AAK1: variants seen among roughly 807,000 people sequenced by gnomAD.
AAK1 encodes the protein AP2-associated protein kinase 1.
A neutral mutation model predicts 116.0 loss-of-function variants in AAK1; 37 were observed. The observed-to-expected ratio is 0.32, with a 90% confidence interval of 0.25 to 0.42. AAK1 has a LOEUF of 0.42. Ranked by LOEUF, AAK1 falls within the 10% of genes least tolerant of loss-of-function variation. The pLI is 1.00. For synonymous variants in AAK1, 458 were observed against 439.9 expected (o/e 1.04, Z -0.51); for missense variants, 919 against 1,170.6 (o/e 0.79, Z 3.14).
rs1485110923 is a variant in AAK1 at position 69,527,227 on chromosome 2, G to T, written c.964C>A (p.Pro322Thr). ...FKLLKKECPI[P>T]NVQNSPIPAK... ...CACCATTCACGTACCTGTACATTTG[G>T]AATTGGGCACTCTTTCTTGAGTAGC... The change falls in exon 9 of 22, where the codon CCA becomes ACA. Residue 322 changes from proline to threonine, a missense_variant. Coordinates refer to ENST00000409085, the MANE Select transcript of AAK1 (RefSeq NM_014911.5). The T allele has an allele frequency of 6.2e-7, 1 of 1,602,684 alleles. No individual in the cohort carries two copies. Among genetic ancestry groups the T allele is most frequent in the Non-Finnish European group, 8.5e-7 (1 of 1,172,770 alleles).
At chr2:69,490,656 G>A (rs1016492163) in intron 17 of AAK1, among the ~76,000 whole-genome samples, 1 of 151,946 alleles carries the variant, frequency 6.6e-6, no homozygotes, top group Non-Finnish European at 1.5e-5. Context: ...CAGGGGCTGG[G>A]GGGAGGGGAA....
intron 2 of AAK1, among the ~76,000 whole-genome samples, chr2:69,614,701 G>A (rs1390580371): frequency 1.3e-5 from 2 of 152,172 alleles, no homozygotes; most frequent in African/African-American, 4.8e-5. Context: ...AGTCTTTGTA[G>A]GTGTAATTAA....
rs2312217 is a variant in AAK1 at position 69,633,545 on chromosome 2, G to T, written c.163+9333C>A. Among the ~76,000 whole-genome samples, 1,335 of 150,662 alleles carry T rather than the reference G, an allele frequency of 8.9e-3. 22 individuals are homozygous for T. Among genetic ancestry groups the T allele is most frequent in the African/African-American group, 0.031 (1,286 of 40,900 alleles). ...GAACCCGGGAGGCAGAGGTTGCAGT[G>T]AGCCAAGATCGCACCACTGTACTCC... On this transcript the variant is annotated intron_variant, in intron 2 of 21. Transcript: ENST00000409085.
chr2:69,631,689 G>T (rs372225145), intron 2 of AAK1, among the ~76,000 whole-genome samples: 4 of 152,206 alleles, frequency 2.6e-5, no homozygotes, highest in East Asian at 3.8e-4. Flanking sequence ...CAACAGAAGT[G>T]GGATTGTTTT....
In AAK1 at chr2:69,467,203, T is replaced by C; in HGVS notation, c.*8666A>G. On this transcript the variant is annotated 3_prime_UTR_variant, in exon 22 of 22. Transcript: ENST00000409085. ...CCTTCAGCTGGAGTTGCCCCAGAAT[T>C]TTGTTTTCAGTCTTCTAAGTTCATA... 1.0e-6 allele frequency: 1 copy of C among 985,448 alleles called. No individual in the cohort carries two copies. Among genetic ancestry groups the C allele is most frequent in the Non-Finnish European group, 1.2e-6 (1 of 829,932 alleles). 61.0% of individuals were successfully genotyped at this position (985,448 alleles called of 1,614,324 possible). A position where few individuals can be genotyped will look rare whatever the true frequency, so the allele number is the denominator to read the frequency against.
At chr2:69,629,934 G>A (rs1324368567) in intron 2 of AAK1, among the ~76,000 whole-genome samples, 2 of 152,178 alleles carry the variant, frequency 1.3e-5, no homozygotes, top group African/African-American at 4.8e-5. Context: ...CAGCTGTGGT[G>A]AATACCTAGG....
Position 69,468,503 on chromosome 2 carries a change from GTT to G in AAK1, c.*7364_*7365del. The G allele has an allele frequency of 1.0e-6, 1 of 985,378 alleles. No homozygotes were observed. The highest frequency in any genetic ancestry group is 1.2e-6 in the Non-Finnish European group (1 of 829,904). 61.0% of individuals were successfully genotyped at this position (985,378 alleles called of 1,614,324 possible). On this transcript the variant is annotated 3_prime_UTR_variant, in exon 22 of 22. Transcript: ENST00000409085. Reference sequence around the variant, plus strand: ...TTCCAAAACTACCTTGAAAGTTGATGTTATTAAGCTTGTTCTGCAGGAGAGCA... The same window carrying G: ...TTCCAAAACTACCTTGAAAGTTGATGATTAAGCTTGTTCTGCAGGAGAGCA...
At chr2:69,627,558 A>G (rs1041600381) in intron 2 of AAK1, among the ~76,000 whole-genome samples, 22 of 152,202 alleles carry the variant, frequency 1.4e-4, no homozygotes, top group Admixed American at 6.5e-4. Context: ...GACACTAAAG[A>G]AGAAACTATG....
At chr2:69,566,376 AATC>A (rs1671869256) in intron 2 of AAK1, among the ~76,000 whole-genome samples, 1 of 152,036 alleles carries the variant, frequency 6.6e-6, no homozygotes, top group African/African-American at 2.4e-5. Flanking sequence ...CTCAATTAAA[AATC>A]ATCATGTGCC....
intron 17 of AAK1, among the ~76,000 whole-genome samples, chr2:69,488,392 C>T (rs1356775531): frequency 6.6e-6 from 1 of 151,948 alleles, no homozygotes; most frequent in Non-Finnish European, 1.5e-5. Flanking sequence ...TATTGTGATA[C>T]TATACATTTT....
chr2:69,596,788 G>A (rs1394682882), intron 2 of AAK1, among the ~76,000 whole-genome samples: 4 of 152,158 alleles, frequency 2.6e-5, no homozygotes, highest in South Asian at 4.1e-4. Context: ...AGCTGTGGGC[G>A]ATGCAGAAGA....
In AAK1 at chr2:69,617,184, C is replaced by G. The variant is rs554919497; in HGVS notation, c.163+25694G>C. Among the ~76,000 whole-genome samples the G allele has an allele frequency of 2.0e-5, 3 of 152,282 alleles. No individual in the cohort carries two copies. The East Asian group carries it at 5.8e-4, about 29-fold the overall frequency. On this transcript the variant is annotated intron_variant, in intron 2 of 21. Transcript: ENST00000409085. Reference sequence around the variant, plus strand: ...ACAAAATTCCAAACCATCACACCACCCCCAAACAGGGTAACAGGTGAAATG... The same window carrying G: ...ACAAAATTCCAAACCATCACACCACGCCCAAACAGGGTAACAGGTGAAATG...
intron 2 of AAK1, among the ~76,000 whole-genome samples, chr2:69,607,660 C>G (rs887366941): frequency 9.9e-5 from 15 of 152,172 alleles, no homozygotes; most frequent in Admixed American, 8.5e-4. Context: ...CAACCTATTT[C>G]TAACTCAGTA....
intron 10 of AAK1, among the ~76,000 whole-genome samples, chr2:69,522,377 G>A (rs1669824896): frequency 6.6e-6 from 1 of 152,208 alleles, no homozygotes; most frequent in East Asian, 1.9e-4. Context: ...CTGGCAACCT[G>A]TTAGAGGGAT....
At chr2:69,605,350 C>T (rs996465360) in intron 2 of AAK1, among the ~76,000 whole-genome samples, 5 of 152,206 alleles carry the variant, frequency 3.3e-5, no homozygotes, top group African/African-American at 9.6e-5. Context: ...CCGAACATAG[C>T]ATTTCACAAT....
chr2:69,520,916 C>T lies in AAK1; in HGVS notation c.1128G>A (p.Gln376=), dbSNP rs1669749269. ...GGATGGGAAGGATTCCTGGGTTCGG[C>T]TGAGTCTGCCCAGCTTTAGGCCTCT... ...PRQRPKAGQT[Q]PNPGILPIQP... is the part of the protein sequence containing the mutation. Residue 376 remains glutamine (Q), a synonymous_variant, in exon 11 of 22, where the codon CAG becomes CAA. Transcript: ENST00000409085. The T allele has an allele frequency of 6.2e-7, 1 of 1,611,536 alleles. No homozygotes were observed. Among genetic ancestry groups the T allele is most frequent in the African/African-American group, 1.3e-5 (1 of 74,928 alleles).
chr2:69,563,278 G>GAGGGA (rs1671722390), intron 2 of AAK1, among the ~76,000 whole-genome samples: 1 of 152,170 alleles, frequency 6.6e-6, no homozygotes, highest in South Asian at 2.1e-4. Flanking sequence ...AAGGAAAAGT[G>GAGGGA]AGGGAAGGGA....
intron 2 of AAK1, among the ~76,000 whole-genome samples, chr2:69,576,395 G>A (rs1672316875): frequency 1.3e-5 from 2 of 151,680 alleles, no homozygotes; most frequent in Admixed American, 1.3e-4. Flanking sequence ...AATTATGTAG[G>A]TAAACTCGTG....
intron 17 of AAK1, among the ~76,000 whole-genome samples, chr2:69,494,913 C>T (rs1029887042): frequency 6.6e-6 from 1 of 152,048 alleles, no homozygotes; most frequent in Non-Finnish European, 1.5e-5. Context: ...GCCTTGGTAC[C>T]CTAGCTGCAG....
Sources: gnomAD v4.1 joint callset for allele counts (sites outside exome capture counted in the v4.1 genomes callset) on GRCh38, gnomAD v4.1.1 for gene constraint, MANE v1.5 for transcripts, NCBI Gene and HGNC (gene_info 2026-07-23, HGNC 2026-07-21) for gene names.